Variants in STAG1 observed in about 807,000 individuals in gnomAD.
STAG1 encodes cohesin subunit SA-1.
STAG1 carries 26 observed loss-of-function variants against 170.9 expected under a neutral mutation model. The ratio of observed to expected loss-of-function variants is 0.15; its 90% CI spans 0.11 to 0.21. The LOEUF is 0.21. Among genes scored for constraint, STAG1 ranks in the 10% least tolerant of loss-of-function variants. The pLI is 1.00. For synonymous variants in STAG1, 514 were observed against 497.7 expected, an observed-to-expected ratio of 1.03 and a Z score of -0.44; for missense variants, 964 against 1,509.5, an observed-to-expected ratio of 0.64 and a Z score of 5.99.
chr3:136,354,754 C>CAAAAAAAAAAAA lies in STAG1; in HGVS notation c.3065+2954_3065+2965dup. ...AAGAAGGCAGTAAAGGAGAAAGAAC[C>CAAAAAAAAAAAA]AAAAAAAAAAAAAACCAAAAAACAA... On this transcript the variant is annotated intron_variant, in intron 28 of 33. Coordinates refer to ENST00000383202, the MANE Select transcript of STAG1 (RefSeq NM_005862.3). Among the ~76,000 whole-genome samples, 34 of 6,514 alleles carry CAAAAAAAAAAAA rather than the reference C, an allele frequency of 5.2e-3. 11 individuals are homozygous for CAAAAAAAAAAAA. Among genetic ancestry groups the CAAAAAAAAAAAA allele is most frequent in the South Asian group, 0.029 (2 of 68 alleles). The allele number at this position is 6,514 out of a possible 152,430, so 4.3% of individuals were successfully genotyped here.
chr3:136,352,794 G>A (rs533339518), intron 28 of STAG1, among the ~76,000 whole-genome samples: 25 of 152,274 alleles, frequency 1.6e-4, no homozygotes, highest in African/African-American at 5.8e-4. Flanking sequence ...ATAGGCTAAT[G>A]TAAGTATTCT....
intron 5 of STAG1, among the ~76,000 whole-genome samples, chr3:136,554,496 A>G (rs1303601865): frequency 6.6e-6 from 1 of 152,240 alleles, no homozygotes; most frequent in East Asian, 1.9e-4. Flanking sequence ...ACCTTGAGAC[A>G]AGTCTACAAT....
chr3:136,587,970 A>C (rs1937927386), intron 4 of STAG1, among the ~76,000 whole-genome samples: 1 of 152,254 alleles, frequency 6.6e-6, no homozygotes, highest in Non-Finnish European at 1.5e-5. Flanking sequence ...TCTCAAAAAA[A>C]ACAAAACAAA....
intron 6 of STAG1, among the ~76,000 whole-genome samples, chr3:136,531,383 C>T (rs1247777446): frequency 6.6e-6 from 1 of 150,984 alleles, no homozygotes; most frequent in African/African-American, 2.4e-5. Flanking sequence ...CTGGAAATAC[C>T]ATTTGACCCA....
rs897540410 is a variant in STAG1, at chr3:136,712,915, A to C, written c.-84+39280T>G. ...AGACCAGCCTGGCCAACATGGCGAA[A>C]CTTCATCTCTACGAAAAATACAAAA... On this transcript the variant is annotated intron_variant, in intron 1 of 33. Coordinates refer to ENST00000383202, the MANE Select transcript of STAG1 (RefSeq NM_005862.3). 2.6e-5 allele frequency among the ~76,000 whole-genome samples: 4 copies of C among 152,140 alleles called. No individual in the cohort carries two copies. In the East Asian group the frequency reaches 7.8e-4, roughly 30 times the overall value.
intron 7 of STAG1, among the ~76,000 whole-genome samples, chr3:136,512,214 G>A (rs1934104712): frequency 6.6e-6 from 1 of 151,846 alleles, no homozygotes; most frequent in Admixed American, 6.6e-5. Flanking sequence ...GCTAAGGCAG[G>A]AGGGTCAATT....
rs542236907 is a variant in STAG1, at chr3:136,596,718, C to T, written c.297+7591G>A. ...GCAATTTGCATTGGACCTTTAAAAT[C>T]CATTTTTAAAATTTATTCGTACTGG... On this transcript the variant is annotated intron_variant, in intron 4 of 33. Transcript: ENST00000383202. 1.8e-3 allele frequency among the ~76,000 whole-genome samples: 268 copies of T among 152,262 alleles called. 2 individuals are homozygous for T. Among genetic ancestry groups the T allele is most frequent in the Non-Finnish European group, 1.8e-3 (120 of 68,006 alleles).
At chr3:136,503,405 A>G (rs935373227) in intron 7 of STAG1, among the ~76,000 whole-genome samples, 3 of 152,196 alleles carry the variant, frequency 2.0e-5, no homozygotes. Flanking sequence ...TTAAACGTTC[A>G]CTTGTATTTG....
chr3:136,749,609 G>A (rs1346133172), intron 1 of STAG1, among the ~76,000 whole-genome samples: 3 of 151,990 alleles, frequency 2.0e-5, no homozygotes, highest in Non-Finnish European at 2.9e-5. Context: ...AGGTGGGCAT[G>A]GTGGCACGCA....
In STAG1 at chr3:136,565,653, C is replaced by T. The variant is rs1190675268; in HGVS notation, c.394+3112G>A. Reference sequence around the variant, plus strand: ...AAAAAGTTTAAATGGAATTATTATACGACCTAGCAATTCTACTCCTAAGAA... The same window carrying T: ...AAAAAGTTTAAATGGAATTATTATATGACCTAGCAATTCTACTCCTAAGAA... On this transcript the variant is annotated intron_variant, in intron 5 of 33. Transcript: ENST00000383202. Among the ~76,000 whole-genome samples the T allele has an allele frequency of 7.2e-5, 11 of 152,146 alleles. No individual in the cohort carries two copies. In the South Asian group the frequency reaches 1.0e-3, roughly 14 times the overall value.
intron 1 of STAG1, among the ~76,000 whole-genome samples, chr3:136,713,646 A>G (rs906632017): frequency 1.3e-5 from 2 of 151,810 alleles, no homozygotes; most frequent in Admixed American, 1.3e-4. Context: ...CCAACACTTT[A>G]GGAGACTGAG....
chr3:136,665,855 C>T (rs1941746985), intron 1 of STAG1, among the ~76,000 whole-genome samples: 1 of 150,494 alleles, frequency 6.6e-6, no homozygotes, highest in African/African-American at 2.4e-5. Context: ...GCAAACAGAT[C>T]ATGAGGTCAG....
intron 1 of STAG1, among the ~76,000 whole-genome samples, chr3:136,703,424 G>A (rs570121405): frequency 6.6e-6 from 1 of 152,328 alleles, no homozygotes; most frequent in South Asian, 2.1e-4. Flanking sequence ...TTGGGGTTGT[G>A]TGTTTTTATC....
Position 136,621,532 on chromosome 3 carries a change from AAAG to A in STAG1, c.132+1611_132+1613del, listed in dbSNP as rs529411224. Among the ~76,000 whole-genome samples the A allele has an allele frequency of 1.5e-3, 227 of 152,360 alleles. 1 individual carries two copies. Among genetic ancestry groups the A allele is most frequent in the South Asian group, 6.2e-4 (3 of 4,830 alleles). On this transcript the variant is annotated intron_variant, in intron 3 of 33. Transcript: ENST00000383202. ...CTCACTTTTCCCAAAATACGTTTGT[AAAG>A]AATACTGTACCACCAAATACTTCTA...
chr3:136,418,506 GA>G (rs1195314392), intron 20 of STAG1, among the ~76,000 whole-genome samples: 1 of 148,610 alleles, frequency 6.7e-6, no homozygotes, highest in Non-Finnish European at 1.5e-5. Context: ...AGAAAGAGAT[GA>G]TTCTATGAAT....
At chr3:136,718,798 G>A (rs1933024645) in intron 1 of STAG1, among the ~76,000 whole-genome samples, 1 of 151,898 alleles carries the variant, frequency 6.6e-6, no homozygotes, top group South Asian at 2.1e-4. Context: ...GTGGTGGGGG[G>A]GGCCTGTAAT....
At chr3:136,477,789 T>C (rs2089791581) in intron 9 of STAG1, among the ~76,000 whole-genome samples, 2 of 152,154 alleles carry the variant, frequency 1.3e-5, no homozygotes, top group Admixed American at 1.3e-4. Flanking sequence ...ACTGTTAATC[T>C]TTTTTTAAAA....
intron 1 of STAG1, chr3:136,736,450 G>A: frequency 1.6e-6 from 2 of 1,233,712 alleles, no homozygotes; most frequent in Admixed American, 1.7e-5. Flanking sequence ...AAGCAGGAAG[G>A]GAGATAGCAG....
At chr3:136,389,402 T>C (rs698271) in intron 22 of STAG1, among the ~76,000 whole-genome samples, 152,311 of 152,336 alleles carry the variant, frequency 1, 76,143 homozygotes, top group Non-Finnish European at 1. Flanking sequence ...AAGCAATTCT[T>C]CTGTCTCAGC....
Sources: gnomAD v4.1 joint callset for allele counts (sites outside exome capture counted in the v4.1 genomes callset) on GRCh38, gnomAD v4.1.1 for gene constraint, MANE v1.5 for transcripts, NCBI Gene and HGNC (gene_info 2026-07-23, HGNC 2026-07-21) for gene names.